Variants in SEMA6D observed in about 807,000 individuals in gnomAD.
SEMA6D encodes the protein semaphorin 6D.
Under a neutral mutation model 106.6 loss-of-function variants are expected in SEMA6D, and 35 were observed. The ratio of observed to expected loss-of-function variants is 0.33; its 90% confidence interval spans 0.25 to 0.44. The LOEUF (loss-of-function observed/expected upper bound fraction) is 0.44, where lower values mean the gene tolerates loss of function less well. Ranked by LOEUF, SEMA6D falls within the 20% of genes least tolerant of loss-of-function variation. SEMA6D has a pLI of 1.00. For synonymous variants in SEMA6D, 499 were observed against 487.7 expected (o/e 1.02, Z -0.31); for missense variants, 1,185 against 1,345.9 (o/e 0.88, Z 1.87).
intron 1 of SEMA6D, among the ~76,000 whole-genome samples, chr15:47,731,164 C>G (rs1160389681): frequency 1.3e-5 from 2 of 152,036 alleles, no homozygotes; most frequent in East Asian, 3.9e-4. Context: ...TTCATTGCTG[C>G]TAATATAGTT....
intron 4 of SEMA6D, among the ~76,000 whole-genome samples, chr15:47,601,812 A>G (rs183981517): frequency 2.0e-4 from 30 of 152,318 alleles, no homozygotes; most frequent in Admixed American, 1.8e-3. Context: ...CTATGGGTCC[A>G]TCTACTCATA....
intron 1 of SEMA6D, among the ~76,000 whole-genome samples, chr15:47,202,083 G>C (rs1894763900): frequency 6.6e-6 from 1 of 151,958 alleles, no homozygotes; most frequent in South Asian, 2.1e-4. Context: ...CCTGTGGTCT[G>C]TAACAGATTC....
At chr15:47,209,131 A>G (rs1895313590) in intron 1 of SEMA6D, among the ~76,000 whole-genome samples, 1 of 152,226 alleles carries the variant, frequency 6.6e-6, no homozygotes, top group Non-Finnish European at 1.5e-5. Flanking sequence ...AACTATATAT[A>G]GTATAGTTCA....
At chr15:47,227,086 A>G (rs1262153324) in intron 1 of SEMA6D, among the ~76,000 whole-genome samples, 4 of 152,068 alleles carry the variant, frequency 2.6e-5, no homozygotes, top group African/African-American at 9.7e-5. Flanking sequence ...AAGCAAAGTG[A>G]TCAGGAGCTC....
intron 1 of SEMA6D, among the ~76,000 whole-genome samples, chr15:47,227,495 TTTTTTTC>T (rs2031802841): frequency 7.0e-6 from 1 of 142,116 alleles, no homozygotes; most frequent in Non-Finnish European, 1.5e-5. Flanking sequence ...TCTTTCTTTC[TTTTTTTC>T]TTTGTTTCTC....
intron 9 of SEMA6D, 26 bp downstream of exon 9, chr15:47,763,130 T>A: frequency 6.4e-7 from 1 of 1,556,362 alleles, no homozygotes; most frequent in Middle Eastern, 1.7e-4. Flanking sequence ...TGGCTTGAAT[T>A]GTGGACTTGT....
At chr15:47,230,995 C>T (rs186214148) in intron 1 of SEMA6D, among the ~76,000 whole-genome samples, 39 of 152,036 alleles carry the variant, frequency 2.6e-4, no homozygotes, top group African/African-American at 9.2e-4. Context: ...CCCTTTCCTC[C>T]CCTTTGTCTT....
chr15:47,643,500 G>C (rs113895004), intron 4 of SEMA6D, among the ~76,000 whole-genome samples: 1 of 152,124 alleles, frequency 6.6e-6, no homozygotes, highest in East Asian at 1.9e-4. Context: ...TAATCACTTG[G>C]GGATTTTAGT....
chr15:47,501,618 A>G (rs1211347322), intron 3 of SEMA6D, among the ~76,000 whole-genome samples: 3 of 152,202 alleles, frequency 2.0e-5, no homozygotes, highest in Non-Finnish European at 4.4e-5. Context: ...CCTCTCATTT[A>G]GGAAGATGAG....
intron 4 of SEMA6D, among the ~76,000 whole-genome samples, chr15:47,678,541 A>T (rs1247390941): frequency 6.6e-6 from 1 of 152,180 alleles, no homozygotes; most frequent in Non-Finnish European, 1.5e-5. Context: ...TTCACAGCTG[A>T]GGAAAATGGA....
intron 3 of SEMA6D, among the ~76,000 whole-genome samples, chr15:47,541,343 A>T (rs2045347144): frequency 6.6e-6 from 1 of 152,232 alleles, no homozygotes. Flanking sequence ...CGATATCAGC[A>T]TAAACAATAA....
intron 1 of SEMA6D, among the ~76,000 whole-genome samples, chr15:47,245,870 A>C (rs1379758872): frequency 1.3e-5 from 2 of 152,202 alleles, no homozygotes; most frequent in African/African-American, 4.8e-5. Context: ...GTGTATAGAT[A>C]GCAGTAGTGG....
chr15:47,523,649 A>G (rs2044659868), intron 3 of SEMA6D, among the ~76,000 whole-genome samples: 1 of 152,160 alleles, frequency 6.6e-6, no homozygotes, highest in South Asian at 2.1e-4. Flanking sequence ...AGAAGACTTG[A>G]TGTGTCCACC....
chr15:47,584,752 C>T (rs2076308685), intron 3 of SEMA6D, among the ~76,000 whole-genome samples: 1 of 152,120 alleles, frequency 6.6e-6, no homozygotes, highest in Admixed American at 6.5e-5. Context: ...TCCTCTCATA[C>T]CCCCAGGGCA....
At chr15:47,629,384 A>C (rs981571512) in intron 4 of SEMA6D, among the ~76,000 whole-genome samples, 4 of 152,038 alleles carry the variant, frequency 2.6e-5, no homozygotes, top group Admixed American at 2.6e-4. Flanking sequence ...TATTCTTACT[A>C]TGCTGAGTCT....
intron 4 of SEMA6D, among the ~76,000 whole-genome samples, chr15:47,630,267 T>C (rs1469527907): frequency 1.3e-5 from 2 of 151,980 alleles, no homozygotes; most frequent in Non-Finnish European, 2.9e-5. Flanking sequence ...TGAAATGATA[T>C]CTCATTGTTG....
chr15:47,741,668 C>G (rs953226861), intron 1 of SEMA6D, among the ~76,000 whole-genome samples: 1 of 151,992 alleles, frequency 6.6e-6, no homozygotes, highest in East Asian at 1.9e-4. Context: ...GAGCCGAGAT[C>G]GTGCCATTGC....
chr15:47,321,680 G>A (rs2036930893), intron 1 of SEMA6D, among the ~76,000 whole-genome samples: 1 of 152,112 alleles, frequency 6.6e-6, no homozygotes, highest in Admixed American at 6.5e-5. Flanking sequence ...GGAGATATAA[G>A]CATGTATAGT....
intron 3 of SEMA6D, among the ~76,000 whole-genome samples, chr15:47,558,562 G>A (rs2045982387): frequency 6.6e-6 from 1 of 151,930 alleles, no homozygotes; most frequent in African/African-American, 2.4e-5. Context: ...AGGGTGAAGA[G>A]GAATGTAAAA....
Sources: allele counts gnomAD v4.1 joint callset (sites outside exome capture counted in the v4.1 genomes callset), GRCh38; gene constraint gnomAD v4.1.1; transcripts MANE v1.5; gene names NCBI Gene and HGNC (gene_info 2026-07-23, HGNC 2026-07-21).